The following LRRTM3 variants were observed in gnomAD, a reference collection of about 807,000 sequenced individuals.
LRRTM3 encodes the protein leucine rich repeat transmembrane neuronal 3, also known as leucine-rich repeat transmembrane neuronal protein 3.
LRRTM3 carries 24 observed loss-of-function variants against 44.7 expected under a neutral mutation model. That is an observed-to-expected ratio of 0.54 (90% CI 0.39 to 0.76). LRRTM3 has a LOEUF of 0.76. Among genes scored for constraint, LRRTM3 ranks in the 30% least tolerant of loss-of-function variants. The pLI is 0.00. For synonymous variants in LRRTM3, 277 were observed against 278.7 expected (o/e 0.99, Z 0.06); for missense variants, 587 against 702.2 (o/e 0.84, Z 1.85).
chr10:67,039,193 A>C (rs936613014), intron 2 of LRRTM3, among the ~76,000 whole-genome samples: 9 of 152,254 alleles, frequency 5.9e-5, no homozygotes, highest in African/African-American at 1.9e-4. Context: ...CCAAAATTAC[A>C]ACTTCACAAA....
At chr10:67,028,084 C>T (rs1053419712) in intron 2 of LRRTM3, among the ~76,000 whole-genome samples, 4 of 152,124 alleles carry the variant, frequency 2.6e-5, no homozygotes, top group African/African-American at 4.8e-5. Context: ...CTGCTATATT[C>T]GTTTATTCTT....
chr10:66,939,865 A>G (rs1397419658), intron 2 of LRRTM3, among the ~76,000 whole-genome samples: 1 of 152,138 alleles, frequency 6.6e-6, no homozygotes, highest in Non-Finnish European at 1.5e-5. Flanking sequence ...ATTTCATTGT[A>G]CTTGTAACAA....
At chr10:67,001,307 A>T (rs901495268) in intron 2 of LRRTM3, among the ~76,000 whole-genome samples, 4 of 150,996 alleles carry the variant, frequency 2.6e-5, no homozygotes, top group Admixed American at 6.6e-5. Context: ...CTAAAAAAAA[A>T]AAAAAGAAAA....
rs1359295186 is a variant in LRRTM3, at chr10:67,100,126, T to A, written c.*2330T>A. 6.6e-6 allele frequency among the ~76,000 whole-genome samples: 1 copy of A among 151,766 alleles called. No homozygotes were observed. The highest frequency in any genetic ancestry group is 1.9e-4 in the East Asian group (1 of 5,170). On this transcript the variant is annotated 3_prime_UTR_variant, in exon 3 of 3. Transcript: ENST00000361320. ...TTTCTAGACACATTCAAATTGATAA[T>A]GATTTTTAGAAATGTTAAGGTTCCA...
intron 2 of LRRTM3, among the ~76,000 whole-genome samples, chr10:67,068,808 C>T (rs1163355258): frequency 2.0e-5 from 3 of 152,138 alleles, no homozygotes; most frequent in Non-Finnish European, 4.4e-5. Context: ...GCCTGTAATC[C>T]CAGCACTTTG....
intron 2 of LRRTM3, among the ~76,000 whole-genome samples, chr10:67,036,862 T>C (rs1589641582): frequency 1.3e-5 from 2 of 152,002 alleles, no homozygotes; most frequent in South Asian, 4.2e-4. Context: ...GCAAAATATA[T>C]AAAACATTGG....
chr10:67,052,400 C>T (rs773468271), intron 2 of LRRTM3, among the ~76,000 whole-genome samples: 2 of 151,436 alleles, frequency 1.3e-5, no homozygotes, highest in African/African-American at 4.9e-5. Context: ...ATTCCATGGG[C>T]TTCACTAGGC....
intron 2 of LRRTM3, among the ~76,000 whole-genome samples, chr10:67,079,903 AC>A (rs1856961141): frequency 7.0e-6 from 1 of 142,236 alleles, no homozygotes; most frequent in South Asian, 2.3e-4. Context: ...ACACACACAC[AC>A]ACACAAAGAT....
intron 2 of LRRTM3, among the ~76,000 whole-genome samples, chr10:67,020,383 A>T (rs534875957): frequency 6.6e-6 from 1 of 152,250 alleles, no homozygotes; most frequent in African/African-American, 2.4e-5. Context: ...GTCCCTTCTG[A>T]GCTTTTATTA....
chr10:67,079,203 T>A (rs2131872900), intron 2 of LRRTM3, among the ~76,000 whole-genome samples: 1 of 152,316 alleles, frequency 6.6e-6, no homozygotes, highest in South Asian at 2.1e-4. Context: ...TATGCAAGGT[T>A]AACTTATGAG....
chr10:66,939,838 T>G (rs2132674655), intron 2 of LRRTM3, among the ~76,000 whole-genome samples: 1 of 152,324 alleles, frequency 6.6e-6, no homozygotes, highest in Middle Eastern at 3.4e-3. Context: ...TTACCTTCTA[T>G]TTGAAATTCC....
rs10491060 is a variant in LRRTM3, at chr10:66,955,284, T to C, written c.1536+26832T>C. 0.025 allele frequency among the ~76,000 whole-genome samples: 3,844 copies of C among 152,214 alleles called. 389 individuals are homozygous for C. In the East Asian group the frequency reaches 0.36, roughly 14 times the overall value. ...AGAATAGGAAGAAAAAGATAACGAT[T>C]ATTTTGTGGTATCATTGTATCATGA... is the stretch of plus-strand genomic sequence containing the variant. On this transcript the variant is annotated intron_variant, in intron 2 of 2. Transcript: ENST00000361320.
At chr10:67,049,005 T>C (rs888545305) in intron 2 of LRRTM3, among the ~76,000 whole-genome samples, 1 of 145,864 alleles carries the variant, frequency 6.9e-6, no homozygotes, top group South Asian at 2.2e-4. Flanking sequence ...AGTTATTTTA[T>C]AGCAAAAATT....
intron 2 of LRRTM3, among the ~76,000 whole-genome samples, chr10:67,052,388 C>CCCA (rs1855165566): frequency 6.6e-6 from 1 of 151,664 alleles, no homozygotes; most frequent in Non-Finnish European, 1.5e-5. Context: ...GCCTTACTGT[C>CCCA]TATTCCATGG....
intron 2 of LRRTM3, among the ~76,000 whole-genome samples, chr10:66,970,430 G>A (rs1849652473): frequency 6.8e-6 from 1 of 146,008 alleles, no homozygotes; most frequent in Admixed American, 7.2e-5. Context: ...GACAGTCATG[G>A]TAATATTACA....
rs972825563 is a variant in LRRTM3 at position 67,010,160 on chromosome 10, C to T, written c.1536+81708C>T. ...ATTACAAGAAAAATAAACACACACG[C>T]ATATGCACTAAAGCAGAAGATTACA... On this transcript the variant is annotated intron_variant, in intron 2 of 2. Transcript: ENST00000361320. 3.3e-5 allele frequency among the ~76,000 whole-genome samples: 5 copies of T among 152,102 alleles called. No homozygotes were observed. In the East Asian group the frequency reaches 9.6e-4, roughly 29 times the overall value.
At chr10:67,085,267 A>G (rs1421851381) in intron 2 of LRRTM3, among the ~76,000 whole-genome samples, 1 of 151,946 alleles carries the variant, frequency 6.6e-6, no homozygotes, top group Non-Finnish European at 1.5e-5. Flanking sequence ...TGATCACATA[A>G]TAGTAATCAA....
chr10:67,024,837 A>C (rs781355714), intron 2 of LRRTM3, among the ~76,000 whole-genome samples: 5 of 152,144 alleles, frequency 3.3e-5, no homozygotes, highest in African/African-American at 4.8e-5. Flanking sequence ...ATTTTAAAAG[A>C]AACCACAAGA....
chr10:66,952,043 G>A (rs1048504807), intron 2 of LRRTM3, among the ~76,000 whole-genome samples: 1 of 152,162 alleles, frequency 6.6e-6, no homozygotes, highest in Non-Finnish European at 1.5e-5. Flanking sequence ...GTGACATTCA[G>A]CAGCTAAGCC....
Sources: gnomAD v4.1 joint callset for allele counts (sites outside exome capture counted in the v4.1 genomes callset) on GRCh38, gnomAD v4.1.1 for gene constraint, MANE v1.5 for transcripts, NCBI Gene and HGNC (gene_info 2026-07-23, HGNC 2026-07-21) for gene names.